GAS2: variants seen among roughly 807,000 people sequenced by gnomAD.
GAS2 encodes the protein growth arrest-specific protein 2.
A neutral mutation model predicts 37.5 loss-of-function variants in GAS2; 20 were observed. That is an observed-to-expected ratio of 0.53 (90% CI 0.37 to 0.77). GAS2 has a LOEUF of 0.77. GAS2 is among the 30% of genes least tolerant of loss of function. The probability of loss-of-function intolerance (pLI) is 0.00; values close to 1 mark genes in which losing one functional copy is unlikely to be tolerated. For missense variants in GAS2, 336 were observed against 373.4 expected (o/e 0.90, Z 0.82); for synonymous variants, 144 against 132.2 (o/e 1.09, Z -0.61).
chr11:22,712,100 T>A (rs1401701491), intron 3 of GAS2, among the ~76,000 whole-genome samples: 1 of 152,102 alleles, frequency 6.6e-6, no homozygotes, highest in Non-Finnish European at 1.5e-5. Context: ...CCAACTCAAG[T>A]CATTACAGCA....
chr11:22,800,662 A>T (rs921742488), intron 7 of GAS2, among the ~76,000 whole-genome samples: 1 of 152,098 alleles, frequency 6.6e-6, no homozygotes, highest in Non-Finnish European at 1.5e-5. Flanking sequence ...AGACAGAATG[A>T]AACAGATTTG....
At chr11:22,729,748 C>T (rs1274530157) in intron 4 of GAS2, among the ~76,000 whole-genome samples, 2 of 128,102 alleles carry the variant, frequency 1.6e-5, no homozygotes, top group Non-Finnish European at 3.4e-5. Flanking sequence ...ATAAAATCTA[C>T]CTTATTACTA....
chr11:22,684,725 T>C (rs1030368988), intron 2 of GAS2, among the ~76,000 whole-genome samples: 2 of 152,128 alleles, frequency 1.3e-5, no homozygotes, highest in African/African-American at 4.8e-5. Flanking sequence ...TGCACCACCA[T>C]GCCTGGCTAA....
intron 1 of GAS2, among the ~76,000 whole-genome samples, chr11:22,649,945 C>A (rs1239450820): frequency 6.6e-6 from 1 of 151,982 alleles, no homozygotes; most frequent in Admixed American, 6.6e-5. Context: ...TTAGTTATTT[C>A]TTGTCTTCTG....
At chr11:22,806,342 C>A (rs1856884495) in intron 7 of GAS2, among the ~76,000 whole-genome samples, 1 of 152,152 alleles carries the variant, frequency 6.6e-6, no homozygotes, top group African/African-American at 2.4e-5. Context: ...TCTGCCCATT[C>A]ATCCATTAAC....
intron 7 of GAS2, among the ~76,000 whole-genome samples, chr11:22,799,328 G>A (rs1856561996): frequency 6.6e-6 from 1 of 152,072 alleles, no homozygotes; most frequent in Admixed American, 6.6e-5. Flanking sequence ...AAAATTTTAT[G>A]AAGCAATTTA....
rs542800103 is a variant in GAS2 at position 22,674,846 on chromosome 11, A to C, written c.-20-4A>C. ...AAGCAATTGCTCTTTTGTTTCCAAAACAGGTATTACAAGTGGATAAATAAT... is the reference window on the plus strand; with the variant it reads ...AAGCAATTGCTCTTTTGTTTCCAAACCAGGTATTACAAGTGGATAAATAAT... On this transcript the variant is annotated splice_polypyrimidine_tract_variant and splice_region_variant and intron_variant, in intron 1 of 7. Transcript: ENST00000454584. 2.6e-6 allele frequency: 4 copies of C among 1,550,946 alleles called. No individual in the cohort carries two copies. The highest frequency in any genetic ancestry group is 3.5e-6 in the Non-Finnish European group (4 of 1,149,054).
At chr11:22,690,420 T>A (rs1392889758) in intron 3 of GAS2, among the ~76,000 whole-genome samples, 2 of 152,156 alleles carry the variant, frequency 1.3e-5, no homozygotes, top group African/African-American at 4.8e-5. Flanking sequence ...GTGTGAGCTC[T>A]AAGTAGTTAA....
chr11:22,751,716 C>A (rs960027577), intron 6 of GAS2, among the ~76,000 whole-genome samples: 1 of 151,912 alleles, frequency 6.6e-6, no homozygotes, highest in African/African-American at 2.4e-5. Context: ...ACTAGCTTGT[C>A]CCCTATCTGG....
At chr11:22,789,234 G>T (rs1246491925) in intron 7 of GAS2, among the ~76,000 whole-genome samples, 1 of 142,718 alleles carries the variant, frequency 7.0e-6, no homozygotes, top group Non-Finnish European at 1.5e-5. Context: ...TAGTTAATTG[G>T]CTGAAGTAGA....
At chr11:22,735,539 G>T (rs765651329) in intron 4 of GAS2, among the ~76,000 whole-genome samples, 3 of 151,780 alleles carry the variant, frequency 2.0e-5, no homozygotes, top group Non-Finnish European at 4.4e-5. Flanking sequence ...GTCTGTGATA[G>T]AGTTGATATT....
chr11:22,745,216 T>A (rs1853324587), intron 5 of GAS2, among the ~76,000 whole-genome samples: 1 of 150,964 alleles, frequency 6.6e-6, no homozygotes, highest in Non-Finnish European at 1.5e-5. Context: ...CTTCAAGCTA[T>A]ACCCTAAGGC....
At chr11:22,799,792 C>T (rs375317076) in intron 7 of GAS2, among the ~76,000 whole-genome samples, 336 of 152,142 alleles carry the variant, frequency 2.2e-3, no homozygotes, top group African/African-American at 7.4e-3. Context: ...TTCATCCAGT[C>T]GTTTAACATG....
At chr11:22,788,669 C>A (rs1855939756) in intron 7 of GAS2, among the ~76,000 whole-genome samples, 1 of 152,056 alleles carries the variant, frequency 6.6e-6, no homozygotes, top group Non-Finnish European at 1.5e-5. Context: ...TCATGAATTG[C>A]CAGCAAATTC....
chr11:22,666,132 T>C (rs1052789358), upstream of GAS2, among the ~76,000 whole-genome samples: 9 of 152,202 alleles, frequency 5.9e-5, no homozygotes, highest in Admixed American at 1.3e-4. Flanking sequence ...TAAACAACAG[T>C]TGGAGACAAT....
intron 1 of GAS2, chr11:22,626,869 A>G (rs1293880391): frequency 6.6e-6 from 1 of 152,234 alleles, no homozygotes; most frequent in Non-Finnish European, 1.5e-5. Flanking sequence ...TTAGAAAGTA[A>G]AGCAGTGATG....
intron 3 of GAS2, among the ~76,000 whole-genome samples, chr11:22,714,282 G>A (rs962035107): frequency 1.3e-5 from 2 of 152,058 alleles, no homozygotes; most frequent in African/African-American, 4.8e-5. Flanking sequence ...GATAAAGAGG[G>A]ACATTATATA....
chr11:22,808,592 T>C, intron 7 of GAS2, among the ~76,000 whole-genome samples: 1 of 152,224 alleles, frequency 6.6e-6, no homozygotes, highest in East Asian at 1.9e-4. Flanking sequence ...CTTCCTAGAA[T>C]TGTTTAAAAA....
intron 1 of GAS2, among the ~76,000 whole-genome samples, chr11:22,652,465 G>T (rs1434046130): frequency 6.6e-6 from 1 of 152,304 alleles, no homozygotes; most frequent in East Asian, 1.9e-4. Flanking sequence ...AGAGCTTCCC[G>T]GCTGCTTTGT....
Sources: allele counts gnomAD v4.1 joint callset (sites outside exome capture counted in the v4.1 genomes callset), GRCh38; gene constraint gnomAD v4.1.1; transcripts MANE v1.5; gene names NCBI Gene and HGNC (gene_info 2026-07-23, HGNC 2026-07-21).